CAPG: variants seen among roughly 807,000 people sequenced by gnomAD.
The protein encoded by CAPG is capping actin protein, gelsolin like.
Under a neutral mutation model 44.6 loss-of-function variants are expected in CAPG, and 32 were observed. That is an observed-to-expected ratio of 0.72 (90% CI 0.54 to 0.96). CAPG has a LOEUF of 0.96. Ranked by LOEUF, CAPG falls within the 50% of genes least tolerant of loss-of-function variation. The pLI is 0.00. For synonymous variants in CAPG, 175 were observed against 179.6 expected (o/e 0.97, Z 0.20); for missense variants, 412 against 438.3 (o/e 0.94, Z 0.54).
At chr2:85,399,571 G>A (rs1204808880) in intron 5 of CAPG, among the ~76,000 whole-genome samples, 2 of 151,950 alleles carry the variant, frequency 1.3e-5, no homozygotes, top group Non-Finnish European at 2.9e-5. Flanking sequence ...GCTCACTGCA[G>A]CCTTGACGTC....
chr2:85,415,781 C>T (rs895751219), intron 1 of CAPG, among the ~76,000 whole-genome samples: 5 of 152,158 alleles, frequency 3.3e-5, no homozygotes, highest in East Asian at 1.9e-4. Flanking sequence ...ATCTGTGAAA[C>T]GAGAACAGAA....
intron 2 of CAPG, 75 bp downstream of exon 2, chr2:85,402,048 G>T (rs1686928383): frequency 1.2e-6 from 2 of 1,609,638 alleles, no homozygotes; most frequent in African/African-American, 1.3e-5. Flanking sequence ...TGGGGATGAG[G>T]AGAGCAGTGG....
At chr2:85,411,201 C>T (rs1490922007), upstream of CAPG, among the ~76,000 whole-genome samples, 7 of 152,280 alleles carry the variant, frequency 4.6e-5, no homozygotes, top group South Asian at 1.5e-3. Flanking sequence ...ACATTCTTCA[C>T]CATCTTCCGC....
chr2:85,394,872 G>A lies in CAPG; in HGVS notation c.*21C>T. On this transcript the variant is annotated 3_prime_UTR_variant, in exon 10 of 10. Transcript: ENST00000263867. ...CAGGTGGTGGGGGGCAGGGGAGCAT[G>A]GGGCAGGAAGACGCCCACCCTCATT... is the stretch of plus-strand genomic sequence containing the variant. The A allele has an allele frequency of 1.3e-6, 2 of 1,592,528 alleles. No individual in the cohort carries two copies. Among genetic ancestry groups the A allele is most frequent in the South Asian group, 2.2e-5 (2 of 90,722 alleles).
intron 8 of CAPG, chr2:85,396,124 C>T (rs1686584188): frequency 6.5e-6 from 1 of 153,832 alleles, no homozygotes; most frequent in African/African-American, 2.4e-5. Flanking sequence ...AATGAAGACC[C>T]CACGTAATCC....
At position 85,395,609 on chromosome 2, in the gene CAPG, T is replaced by C. The variant is rs1686561741; in HGVS notation, c.910A>G (p.Lys304Glu). ...YIWKGRKANE[K>E]ERQAALQVAE... ...ACCTGCAGGGCTGCCTGCCGCTCCT[T>C]CTCATTCGCTTTTCGCCCTAGATCA... The change falls in exon 9 of 10, where the codon AAG becomes GAG. Residue 304 changes from lysine (K) to glutamate (E), a missense_variant. Physicochemically the swap from Lys to Glu is moderately conservative, Grantham distance 56 (BLOSUM62 1). Coordinates refer to ENST00000263867, the MANE Select transcript of CAPG (RefSeq NM_001747.4). This position sits in a 1 kb window ranked among gnomAD's most constrained non-coding sequence, Gnocchi z 4.3. 6.2e-7 allele frequency: 1 copy of C among 1,613,794 alleles called. No individual in the cohort carries two copies. The highest frequency in any genetic ancestry group is 8.5e-7 in the Non-Finnish European group (1 of 1,179,846).
At chr2:85,392,757 T>TA (rs1029909827), downstream of CAPG, among the ~76,000 whole-genome samples, 1 of 152,170 alleles carries the variant, frequency 6.6e-6, no homozygotes, top group African/African-American at 2.4e-5. Context: ...CCAACAGAGA[T>TA]AGCAGGGAGA....
At chr2:85,401,058 G>A in intron 5 of CAPG, 107 bp downstream of exon 5, 1 of 1,042,472 alleles carries the variant, frequency 9.6e-7, no homozygotes, top group Non-Finnish European at 1.4e-6. Flanking sequence ...CACTTGGAAT[G>A]GGTTTACGGC....
chr2:85,395,936 A>C lies in CAPG; in HGVS notation c.893-310T>G, dbSNP rs1686574968. ...GGGAACAGGTGTTCACCCTAGCATC[A>C]GACTGTGAGGCCGCAGGTCTCCTTT... On this transcript the variant is annotated intron_variant, in intron 8 of 9. Coordinates refer to ENST00000263867, the MANE Select transcript of CAPG (RefSeq NM_001747.4). This position sits in a 1 kb window ranked among gnomAD's most constrained non-coding sequence, Gnocchi z 4.3. 6.1e-6 allele frequency: 2 copies of C among 328,324 alleles called. No individual in the cohort carries two copies. The highest frequency in any genetic ancestry group is 1.1e-5 in the Non-Finnish European group (2 of 175,648). The allele number at this position is 328,324 out of a possible 1,614,324, so 20.3% of individuals were successfully genotyped here. A position where few individuals can be genotyped will look rare whatever the true frequency, so the allele number is the denominator to read the frequency against.
chr2:85,399,210 G>A lies in CAPG; in HGVS notation c.592C>T (p.Arg198Trp), dbSNP rs11539103. 1.0e-3 allele frequency: 1,683 copies of A among 1,614,172 alleles called. 12 individuals are homozygous for A. Among genetic ancestry groups the A allele is most frequent in the Admixed American group, 7.8e-4 (47 of 60,034 alleles). ...GCCTTGCCCTGTCGCTCACTGTCCC[G>A]GATGGCCAGGGCCAGGTCCCTCGCC... ...NKARDLALAI[R>W]DSERQGKAQV... Residue 198 changes from arginine to tryptophan, a missense_variant, in exon 6 of 10, where the codon CGG becomes TGG. Arg to Trp is a moderately radical substitution (Grantham distance 101). Transcript: ENST00000263867.
intron 1 of CAPG, among the ~76,000 whole-genome samples, chr2:85,406,947 T>C (rs79773648): frequency 6.6e-6 from 1 of 151,898 alleles, no homozygotes; most frequent in Non-Finnish European, 1.5e-5. Flanking sequence ...TTTTTTTTTT[T>C]TGAGACAGAG....
At chr2:85,396,620 T>G (rs922181096) in intron 8 of CAPG, among the ~76,000 whole-genome samples, 3 of 152,136 alleles carry the variant, frequency 2.0e-5, no homozygotes, top group African/African-American at 7.2e-5. Context: ...TCTCTTTCCA[T>G]AGTTGTTGGG....
chr2:85,405,275 C>T (rs191017847), intron 1 of CAPG, among the ~76,000 whole-genome samples: 192 of 152,252 alleles, frequency 1.3e-3, no homozygotes, highest in African/African-American at 4.2e-3. Flanking sequence ...ACAGCTACGG[C>T]TCCACTCACT....
chr2:85,417,531 G>C (rs1687588746), intron 1 of CAPG, among the ~76,000 whole-genome samples: 1 of 145,974 alleles, frequency 6.9e-6, no homozygotes, highest in African/African-American at 2.5e-5. Flanking sequence ...TGCCCAGGCT[G>C]GAGTGCAGTG....
At chr2:85,392,357 T>C (rs1686415274), downstream of CAPG, among the ~76,000 whole-genome samples, 1 of 143,760 alleles carries the variant, frequency 7.0e-6, no homozygotes, top group Non-Finnish European at 1.5e-5. Context: ...GCCATTGCAC[T>C]CCGGCCTGGG....
intron 1 of CAPG, among the ~76,000 whole-genome samples, chr2:85,403,415 C>G (rs578143417): frequency 7.2e-4 from 110 of 152,058 alleles, no homozygotes; most frequent in African/African-American, 2.6e-3. Flanking sequence ...TAATTTCTAC[C>G]AAAAATTTAA....
intron 1 of CAPG, 61 bp from the exon 2 acceptor site, chr2:85,402,219 G>T: frequency 7.2e-7 from 1 of 1,387,658 alleles, no homozygotes; most frequent in Non-Finnish European, 1.0e-6. Context: ...TCTCACGTGG[G>T]GCTGGAGAGG....
Position 85,401,918 on chromosome 2 carries a change from C to A in CAPG, c.63G>T (p.Leu21=), listed in dbSNP as rs1285539489. Residue 21 remains leucine, a synonymous_variant, in exon 3 of 10, where the codon CTG becomes CTT. Transcript: ENST00000263867. ...PFPGSVQDPG[L]HVWRVEKLKP... is the part of the protein sequence containing the mutation. ...TCAGCTTCTCCACCCGCCACACATG[C>A]AGGCCTGGATCCTGCACTGAGCCTG... The A allele has an allele frequency of 6.2e-7, 1 of 1,614,100 alleles. No homozygotes were observed. Among genetic ancestry groups the A allele is most frequent in the Non-Finnish European group, 8.5e-7 (1 of 1,180,026 alleles).
upstream of CAPG, chr2:85,419,038 C>G (rs1687652973): frequency 6.6e-6 from 1 of 152,418 alleles, no homozygotes; most frequent in Non-Finnish European, 1.5e-5. Flanking sequence ...GAGCAAACTC[C>G]CATTCCTGGA....
Sources: gnomAD v4.1 joint callset for allele counts (sites outside exome capture counted in the v4.1 genomes callset) on GRCh38, gnomAD v4.1.1 for gene constraint, Gnocchi (gnomAD v3.1) non-coding constraint, MANE v1.5 for transcripts, NCBI Gene and HGNC (gene_info 2026-07-23, HGNC 2026-07-21) for gene names.